STT3B: variants seen among roughly 807,000 people sequenced by gnomAD.
STT3B encodes STT3 oligosaccharyltransferase complex catalytic subunit B.
In STT3B, 29 loss-of-function variants were observed where a neutral mutation model predicts 96.8. The ratio of observed to expected loss-of-function variants is 0.30; its 90% CI spans 0.22 to 0.41. STT3B has a LOEUF of 0.41. Among genes scored for constraint, STT3B ranks in the 10% least tolerant of loss-of-function variants. STT3B has a pLI of 1.00. For synonymous variants in STT3B, 367 were observed against 360.0 expected (o/e 1.02, Z -0.22); for missense variants, 640 against 1,022.3 (o/e 0.63, Z 5.10).
Position 31,613,676 on chromosome 3 carries a change from T to C in STT3B, c.878-1429T>C, listed in dbSNP as rs538530983. 2.2e-3 allele frequency among the ~76,000 whole-genome samples: 328 copies of C among 152,014 alleles called. 1 individual carries two copies. Among genetic ancestry groups the C allele is most frequent in the Middle Eastern group, 0.01 (3 of 294 alleles). On this transcript the variant is annotated intron_variant, in intron 5 of 15. Transcript: ENST00000295770. ...TTTAGTATGCATGGTTCTTTTTTTT[T>C]TCTCTCTCTTTCCTGCCTCTGTGAC... is the stretch of plus-strand genomic sequence containing the variant.
intron 1 of STT3B, among the ~76,000 whole-genome samples, chr3:31,547,814 T>C (rs970537661): frequency 6.6e-6 from 1 of 152,210 alleles, no homozygotes; most frequent in Admixed American, 6.5e-5. Context: ...ATTAGGAAGA[T>C]TTGTTCTGTG....
At chr3:31,602,368 T>C (rs539374429) in intron 5 of STT3B, among the ~76,000 whole-genome samples, 66 of 152,100 alleles carry the variant, frequency 4.3e-4, no homozygotes, top group African/African-American at 1.3e-3. Context: ...GTTGCTGCTG[T>C]TGTTGTTGTT....
At chr3:31,574,936 C>T (rs1179999737) in intron 1 of STT3B, among the ~76,000 whole-genome samples, 1 of 152,048 alleles carries the variant, frequency 6.6e-6, no homozygotes, top group South Asian at 2.1e-4. Flanking sequence ...TACTTTTTAT[C>T]TTGTTCTAAT....
intron 3 of STT3B, among the ~76,000 whole-genome samples, chr3:31,585,129 A>G (rs1698507195): frequency 6.6e-6 from 1 of 152,124 alleles, no homozygotes; most frequent in Non-Finnish European, 1.5e-5. Context: ...TCATAGCATT[A>G]TTATTTGTTG....
chr3:31,600,159 G>T (rs1428852854), intron 4 of STT3B, among the ~76,000 whole-genome samples: 1 of 151,986 alleles, frequency 6.6e-6, no homozygotes, highest in Non-Finnish European at 1.5e-5. Context: ...AAGCATATTG[G>T]ATTTGTGGGA....
chr3:31,576,220 C>T lies in STT3B; in HGVS notation c.315-176C>T, dbSNP rs77657901. 1.5e-3 allele frequency among the ~76,000 whole-genome samples: 230 copies of T among 151,834 alleles called. 1 individual carries two copies. Among genetic ancestry groups the T allele is most frequent in the Middle Eastern group, 3.4e-3 (1 of 294 alleles). On this transcript the variant is annotated intron_variant, in intron 1 of 15. Transcript: ENST00000295770. The stretch of plus-strand genomic sequence containing the variant: ...GTAGGTGTGGGTTTGAAGTTGGGGG[C>T]GTTTTTATTTATGTAGAGGTATAAG...
At chr3:31,611,501 T>TTTCTTTATTTA in intron 5 of STT3B, among the ~76,000 whole-genome samples, 1 of 152,176 alleles carries the variant, frequency 6.6e-6, no homozygotes, top group East Asian at 1.9e-4. Flanking sequence ...GGAGATTGTG[T>TTTCTTTATTTA]TTCTTTATTT....
intron 1 of STT3B, among the ~76,000 whole-genome samples, chr3:31,545,505 G>A (rs902249096): frequency 2.0e-5 from 3 of 151,984 alleles, no homozygotes; most frequent in Non-Finnish European, 2.9e-5. Flanking sequence ...CATATATAAT[G>A]GGCTGTCATA....
intron 1 of STT3B, among the ~76,000 whole-genome samples, chr3:31,540,786 G>A (rs1301683307): frequency 1.3e-5 from 2 of 152,080 alleles, no homozygotes; most frequent in Admixed American, 6.6e-5. Flanking sequence ...CAAAATTCTA[G>A]TATATCCACA....
intron 14 of STT3B, among the ~76,000 whole-genome samples, chr3:31,630,832 T>C (rs896077692): frequency 1.3e-5 from 2 of 152,074 alleles, no homozygotes; most frequent in Admixed American, 1.3e-4. Flanking sequence ...AGTCTCGCTC[T>C]GTCGCCCAGG....
At chr3:31,558,799 A>AT (rs1278035047) in intron 1 of STT3B, among the ~76,000 whole-genome samples, 3 of 151,070 alleles carry the variant, frequency 2.0e-5, no homozygotes, top group African/African-American at 2.4e-5. Flanking sequence ...ATTCCTGGAC[A>AT]TTTTTTGTTG....
chr3:31,580,964 CGA>C (rs1250226366), intron 3 of STT3B, among the ~76,000 whole-genome samples: 3 of 149,544 alleles, frequency 2.0e-5, no homozygotes, highest in Non-Finnish European at 4.4e-5. Flanking sequence ...ACCTTAAAAT[CGA>C]GAACCTCTGT....
rs958142001 is a variant in STT3B at position 31,618,934 on chromosome 3, ATAT to A, written c.1173-738_1173-736del. On this transcript the variant is annotated intron_variant, in intron 8 of 15. Transcript: ENST00000295770. ...TATATAACTGTAAAGTAAAATTGTA[ATAT>A]TATAATATAACTTGTGCAGTTATAT... Among the ~76,000 whole-genome samples the A allele has an allele frequency of 6.0e-5, 9 of 151,016 alleles. No individual in the cohort carries two copies. The South Asian group carries it at 1.0e-3, about 17-fold the overall frequency.
intron 3 of STT3B, among the ~76,000 whole-genome samples, chr3:31,582,652 ATTT>A (rs1014655584): frequency 2.7e-5 from 4 of 146,310 alleles, no homozygotes; most frequent in Admixed American, 6.8e-5. Flanking sequence ...TTGACTTGAG[ATTT>A]TTTTTTTTGT....
rs923356044 is a variant in STT3B at position 31,635,191 on chromosome 3, C to T, written c.2401-793C>T. 5.9e-5 allele frequency among the ~76,000 whole-genome samples: 9 copies of T among 152,260 alleles called. 1 individual carries two copies. In the South Asian group the frequency reaches 1.9e-3, roughly 32 times the overall value. On this transcript the variant is annotated intron_variant, in intron 15 of 15. Transcript: ENST00000295770. ...AGAGCTTTGATGGTGCATTAAATTA[C>T]TTAGTTTCAAAAAATATTTGCTGTC...
At chr3:31,616,614 C>T (rs887193745) in intron 6 of STT3B, among the ~76,000 whole-genome samples, 30 of 151,648 alleles carry the variant, frequency 2.0e-4, no homozygotes, top group African/African-American at 6.3e-4. Flanking sequence ...CCCAGAAAAC[C>T]CCCCTAAAAT....
intron 3 of STT3B, among the ~76,000 whole-genome samples, chr3:31,584,329 T>C (rs984813448): frequency 6.6e-6 from 1 of 152,248 alleles, no homozygotes; most frequent in African/African-American, 2.4e-5. Context: ...TTACTGTAGC[T>C]TTGTAATGAG....
At chr3:31,574,386 C>T (rs1380581214) in intron 1 of STT3B, among the ~76,000 whole-genome samples, 1 of 152,080 alleles carries the variant, frequency 6.6e-6, no homozygotes. Context: ...ACCCTTGATG[C>T]TTAGCACAGT....
intron 5 of STT3B, among the ~76,000 whole-genome samples, chr3:31,605,628 C>T (rs1699033644): frequency 6.6e-6 from 1 of 152,168 alleles, no homozygotes; most frequent in African/African-American, 2.4e-5. Flanking sequence ...GTGAGGCCTC[C>T]CAGCCACGTG....
Sources: gnomAD v4.1 joint callset for allele counts (sites outside exome capture counted in the v4.1 genomes callset) on GRCh38, gnomAD v4.1.1 for gene constraint, MANE v1.5 for transcripts, NCBI Gene and HGNC (gene_info 2026-07-23, HGNC 2026-07-21) for gene names.